PSME4: variants seen among roughly 807,000 people sequenced by gnomAD.
PSME4 encodes the protein proteasome activator complex subunit 4.
PSME4 carries 89 observed loss-of-function variants against 253.9 expected under a neutral mutation model. The observed-to-expected ratio is 0.35, with a 90% CI of 0.30 to 0.42. The LOEUF (loss-of-function observed/expected upper bound fraction) is 0.42, where lower values mean the gene tolerates loss of function less well. Ranked by LOEUF, PSME4 falls within the 10% of genes least tolerant of loss-of-function variation. The probability of loss-of-function intolerance (pLI) is 1.00; values close to 1 mark genes in which losing one functional copy is unlikely to be tolerated. For synonymous variants in PSME4, 851 were observed against 759.2 expected, an observed-to-expected ratio of 1.12 and a Z score of -1.99; for missense variants, 2,014 against 2,195.2, an observed-to-expected ratio of 0.92 and a Z score of 1.65.
chr2:53,970,695 C>G lies in PSME4; in HGVS notation c.90G>C (p.Lys30Asn). The G allele has an allele frequency of 1.9e-6, 3 of 1,549,596 alleles. No homozygotes were observed. The highest frequency in any genetic ancestry group is 2.6e-6 in the Non-Finnish European group (3 of 1,146,648). Residue 30 changes from lysine (K) to asparagine (N), a missense_variant, in exon 1 of 47, where the codon AAG (lysine) becomes AAC (asparagine). This residue lies in a region of PSME4 where 615 missense variants were observed against 594.4 expected (regional missense o/e 1.03). Transcript: ENST00000404125. ...EPGPRGFVPQ[K>N]EIVYNKLLPY... ...GCAGCAGCTTGTTGTAGACGATCTC[C>G]TTCTGCGGGACGAAGCCCCGCGGGC... is the stretch of plus-strand genomic sequence containing the variant.
At chr2:53,940,071 A>G in intron 3 of PSME4, 71 bp from the exon 4 acceptor site, 4 of 1,157,524 alleles carry the variant, frequency 3.5e-6, no homozygotes, top group Non-Finnish European at 4.9e-6. Flanking sequence ...ATTAATAAAT[A>G]TCTATAAGAT....
chr2:53,959,880 C>G (rs1452928933), intron 1 of PSME4, among the ~76,000 whole-genome samples: 2 of 152,162 alleles, frequency 1.3e-5, no homozygotes, highest in African/African-American at 4.8e-5. Context: ...AACTCGCAAT[C>G]AAATAAGACA....
intron 15 of PSME4, 33 bp from the exon 16 acceptor site, chr2:53,923,151 T>C (rs1217598886): frequency 6.4e-7 from 1 of 1,559,696 alleles, no homozygotes; most frequent in Non-Finnish European, 8.7e-7. Flanking sequence ...AAGGCTTTTT[T>C]GAAAGGCAAA....
At chr2:53,916,379 C>T (rs535119878) in intron 20 of PSME4, among the ~76,000 whole-genome samples, 1 of 152,212 alleles carries the variant, frequency 6.6e-6, no homozygotes, top group Admixed American at 6.5e-5. Context: ...TTTCCTCAGA[C>T]ATCTTAGACA....
intron 24 of PSME4, among the ~76,000 whole-genome samples, chr2:53,907,644 T>C (rs1398251320): frequency 6.6e-6 from 1 of 152,204 alleles, no homozygotes; most frequent in Non-Finnish European, 1.5e-5. Context: ...ATGACTCTCC[T>C]ACTGCTGAAT....
chr2:53,866,325 T>A lies in PSME4; in HGVS notation c.5398-102A>T, dbSNP rs568401706. ...TTACCGTCCCTCTAGACTTCAGATC[T>A]CACACAATACCAAGTTCTACAAAAC... On this transcript the variant is annotated intron_variant, in intron 45 of 46. Coordinates refer to ENST00000404125, the MANE Select transcript of PSME4 (RefSeq NM_014614.3). 223 of 1,271,148 alleles carry A rather than the reference T, an allele frequency of 1.8e-4. 2 individuals are homozygous for A. Among genetic ancestry groups the A allele is most frequent in the Non-Finnish European group, 2.4e-4 (217 of 922,376 alleles). The allele number at this position is 1,271,148 out of a possible 1,614,324, so 78.7% of individuals were successfully genotyped here.
At chr2:53,968,561 C>G (rs1670861868) in intron 1 of PSME4, among the ~76,000 whole-genome samples, 1 of 152,158 alleles carries the variant, frequency 6.6e-6, no homozygotes, top group Non-Finnish European at 1.5e-5. Flanking sequence ...AGGAAAAAAA[C>G]ACACCCAAGA....
Position 53,970,848 on chromosome 2 carries a change from G to A in PSME4, c.-64C>T, listed in dbSNP as rs1671050278. On this transcript the variant is annotated 5_prime_UTR_variant, in exon 1 of 47. Transcript: ENST00000404125. The stretch of plus-strand genomic sequence containing the variant: ...CCCTCCCCGGCCCCCACCCCTCTCC[G>A]GGCTCCGCCTCCTCCGCGTCTTCGT... 5 of 1,159,342 alleles carry A rather than the reference G, an allele frequency of 4.3e-6. No homozygotes were observed. The highest frequency in any genetic ancestry group is 5.4e-6 in the Non-Finnish European group (5 of 929,446). 71.8% of individuals were successfully genotyped at this position (1,159,342 alleles called of 1,614,324 possible).
chr2:53,954,271 T>C (rs1670132296), intron 1 of PSME4, among the ~76,000 whole-genome samples: 1 of 151,662 alleles, frequency 6.6e-6, no homozygotes, highest in Admixed American at 6.6e-5. Context: ...GAGGTTGCAG[T>C]GAGCCAAGAT....
At chr2:53,904,901 T>G (rs545391881) in intron 26 of PSME4, among the ~76,000 whole-genome samples, 1 of 151,654 alleles carries the variant, frequency 6.6e-6, no homozygotes, top group Non-Finnish European at 1.5e-5. Flanking sequence ...GGCAGGAGAA[T>G]TGCTGGAACT....
intron 44 of PSME4, among the ~76,000 whole-genome samples, chr2:53,868,258 A>G (rs1573178378): frequency 6.6e-6 from 1 of 151,482 alleles, no homozygotes; most frequent in Non-Finnish European, 1.5e-5. Context: ...GGAGTTCAAG[A>G]CCAGCCTGAT....
intron 44 of PSME4, among the ~76,000 whole-genome samples, chr2:53,868,487 A>G (rs1678686076): frequency 1.8e-5 from 1 of 54,300 alleles, no homozygotes; most frequent in Non-Finnish European, 3.9e-5. Flanking sequence ...TTTATAATAT[A>G]TATATATATG....
intron 1 of PSME4, among the ~76,000 whole-genome samples, chr2:53,960,049 A>C (rs1351090702): frequency 2.0e-5 from 3 of 152,230 alleles, no homozygotes; most frequent in African/African-American, 7.2e-5. Context: ...TCATCACTTA[A>C]GTTATACCCT....
intron 27 of PSME4, among the ~76,000 whole-genome samples, chr2:53,902,717 A>G (rs1680469639): frequency 6.6e-6 from 1 of 152,238 alleles, no homozygotes; most frequent in Non-Finnish European, 1.5e-5. Context: ...GAAAGCAAAC[A>G]GCAAAGCCAT....
At chr2:53,875,459 G>C (rs1345581328) in intron 42 of PSME4, among the ~76,000 whole-genome samples, 168 bp downstream of exon 42, 2 of 152,306 alleles carry the variant, frequency 1.3e-5, no homozygotes, top group South Asian at 2.1e-4. Context: ...GGCAGAGCCA[G>C]GCACAGAATC....
At position 53,937,375 on chromosome 2, in the gene PSME4, A is replaced by G; in HGVS notation, c.695+16T>C. 3 of 1,549,784 alleles carry G rather than the reference A, an allele frequency of 1.9e-6. No individual in the cohort carries two copies. The highest frequency in any genetic ancestry group is 2.6e-6 in the Non-Finnish European group (3 of 1,140,844). ...TACCGTATTTTTAGAATTTGTCAAG[A>G]TATGAACATACTTACTTAAAACCTT... On this transcript the variant is annotated intron_variant, in intron 5 of 46. Coordinates refer to ENST00000404125, the MANE Select transcript of PSME4 (RefSeq NM_014614.3).
chr2:53,865,325 C>G lies in PSME4; in HGVS notation c.*253G>C, dbSNP rs934427672. 2 of 150,438 alleles carry G rather than the reference C, an allele frequency of 1.3e-5. No individual in the cohort carries two copies. Among genetic ancestry groups the G allele is most frequent in the African/African-American group, 4.9e-5 (2 of 40,882 alleles). 9.3% of individuals were successfully genotyped at this position (150,438 alleles called of 1,614,324 possible). ...CTGGGTAATTATTTCTAGTCTGAGA[C>G]TTTGTGACTTTGTCAGATGCCTCAA... On this transcript the variant is annotated 3_prime_UTR_variant, in exon 47 of 47. Transcript: ENST00000404125.
At chr2:53,902,976 T>C (rs187005450) in intron 27 of PSME4, among the ~76,000 whole-genome samples, 9 of 152,318 alleles carry the variant, frequency 5.9e-5, no homozygotes, top group Admixed American at 3.9e-4. Flanking sequence ...TGAGTCTTCC[T>C]TCTAGAAAGA....
rs780264647 is a variant in PSME4, at chr2:53,932,659, G to C, written c.1050+9C>G. 7 of 1,599,658 alleles carry C rather than the reference G, an allele frequency of 4.4e-6. No individual in the cohort carries two copies. In the Admixed American group the frequency reaches 8.3e-5, roughly 19 times the overall value. On this transcript the variant is annotated intron_variant, in intron 9 of 46. Coordinates refer to ENST00000404125, the MANE Select transcript of PSME4 (RefSeq NM_014614.3). ...TCCAAGCCCTATAATGCAAAACGAA[G>C]TTACTCACCAGCCAGCGCCCATTAT...
Sources: gnomAD v4.1 joint callset for allele counts (sites outside exome capture counted in the v4.1 genomes callset) on GRCh38, gnomAD v4.1.1 for gene constraint, gnomAD v4.1.1 regional missense constraint, MANE v1.5 for transcripts, NCBI Gene and HGNC (gene_info 2026-07-23, HGNC 2026-07-21) for gene names.